The following COL13A1 variants were observed in gnomAD, a reference collection of about 807,000 sequenced individuals.
COL13A1 encodes the protein collagen type XIII alpha 1 chain.
Under a neutral mutation model 130.9 loss-of-function variants are expected in COL13A1, and 89 were observed. The observed-to-expected ratio is 0.68, with a 90% CI of 0.57 to 0.81. COL13A1 has a LOEUF of 0.81. COL13A1 is among the 30% of genes least tolerant of loss of function. The probability of loss-of-function intolerance (pLI) is 0.00; values close to 1 mark genes in which losing one functional copy is unlikely to be tolerated. For synonymous variants in COL13A1, 402 were observed against 341.6 expected, an observed-to-expected ratio of 1.18 and a Z score of -1.95; for missense variants, 879 against 934.6, an observed-to-expected ratio of 0.94 and a Z score of 0.78.
At chr10:69,822,535 C>A in intron 2 of COL13A1, 97 bp downstream of exon 2, 4 of 887,726 alleles carry the variant, frequency 4.5e-6, no homozygotes, top group Non-Finnish European at 6.4e-6. Flanking sequence ...TCACTCAGGC[C>A]GTCACTTTTC....
In COL13A1 at chr10:69,952,886, A is replaced by G; in HGVS notation, c.2063A>G (p.Glu688Gly). The G allele has an allele frequency of 6.5e-7, 1 of 1,547,488 alleles. No homozygotes were observed. Among genetic ancestry groups the G allele is most frequent in the Non-Finnish European group, 8.7e-7 (1 of 1,155,890 alleles). ...GGACTAAACCATTATTTACAGGGGG[A>G]GAGGGGGAAGAAAGGCTCTAGAGGG... ...GPPGDKGNRGERGKKGSRGPK... is the reference protein window; with the variant it reads ...GPPGDKGNRGGRGKKGSRGPK... Residue 688 changes from glutamate to glycine, a missense_variant, in exon 39 of 41, where the codon GAG (glutamate) becomes GGG (glycine). By Grantham distance (98) the Glu-to-Gly change is moderately conservative (BLOSUM62 -2). Around this residue, in one of 3 missense-constraint regions of COL13A1, gnomAD observed 68 missense variants for 65.8 expected, o/e 1.03. Transcript: ENST00000645393.
In COL13A1 at chr10:69,816,325, G is replaced by A. The variant is rs78952007; in HGVS notation, c.295-6044G>A. On this transcript the variant is annotated intron_variant, in intron 1 of 40. Coordinates refer to ENST00000645393, the MANE Select transcript of COL13A1 (RefSeq NM_001368882.1). ...ATTGTGAGGTTTTGAGCAACTGGTGGGATGGGGAAGCTGATGGTAGGGGCA... is the reference window on the plus strand; with the variant it reads ...ATTGTGAGGTTTTGAGCAACTGGTGAGATGGGGAAGCTGATGGTAGGGGCA... Among the ~76,000 whole-genome samples the A allele has an allele frequency of 2.4e-3, 363 of 150,972 alleles. 8 individuals are homozygous for A. In the East Asian group the frequency reaches 0.051, roughly 21 times the overall value.
At chr10:69,943,829 G>A (rs759333867) in intron 35 of COL13A1, among the ~76,000 whole-genome samples, 36 of 152,246 alleles carry the variant, frequency 2.4e-4, no homozygotes, top group Non-Finnish European at 4.4e-4. Flanking sequence ...GTGCTTCTGG[G>A]AGCAAAACTA....
intron 2 of COL13A1, among the ~76,000 whole-genome samples, chr10:69,834,942 G>A (rs1451477220): frequency 6.6e-6 from 1 of 152,196 alleles, no homozygotes; most frequent in Non-Finnish European, 1.5e-5. Flanking sequence ...TCAGGGAAGT[G>A]GCCTTACCTG....
intron 35 of COL13A1, 102 bp downstream of exon 35, chr10:69,941,125 A>T: frequency 3.2e-6 from 5 of 1,577,512 alleles, no homozygotes; most frequent in Non-Finnish European, 3.5e-6. Context: ...CCAGTGAATC[A>T]TGCCTGGTCC....
intron 1 of COL13A1, among the ~76,000 whole-genome samples, chr10:69,803,709 G>A (rs897755394): frequency 6.6e-6 from 1 of 152,122 alleles, no homozygotes; most frequent in Non-Finnish European, 1.5e-5. Flanking sequence ...GAGGGAGTGT[G>A]CAGCAGTAAA....
intron 35 of COL13A1, among the ~76,000 whole-genome samples, chr10:69,942,804 A>C (rs1318116857): frequency 1.3e-5 from 2 of 152,208 alleles, no homozygotes; most frequent in Non-Finnish European, 2.9e-5. Context: ...AGGCAAGGCC[A>C]GCCACATGAC....
intron 2 of COL13A1, among the ~76,000 whole-genome samples, chr10:69,843,415 C>A (rs2763344): frequency 0.15 from 23,187 of 152,122 alleles, 1,878 homozygotes; most frequent in Middle Eastern, 0.19. Flanking sequence ...TTTTCATCTA[C>A]ACTGCGGTGT....
chr10:69,895,870 C>T (rs985248863), intron 13 of COL13A1, among the ~76,000 whole-genome samples: 2 of 152,156 alleles, frequency 1.3e-5, no homozygotes, highest in Non-Finnish European at 2.9e-5. Context: ...TTGGAGTCTC[C>T]TGCTGTGTGT....
chr10:69,894,549 C>G lies in COL13A1; in HGVS notation c.604-3C>G, dbSNP rs2061464030. 1 of 1,613,850 alleles carries G rather than the reference C, an allele frequency of 6.2e-7. No individual in the cohort carries two copies. Among genetic ancestry groups the G allele is most frequent in the East Asian group, 2.2e-5 (1 of 44,888 alleles). ...CTGACCTGTGTGTGTTTGCTTCCCACAGGGTCTGACGGGTCCCCCAGGACA... is the reference window on the plus strand; with the variant it reads ...CTGACCTGTGTGTGTTTGCTTCCCAGAGGGTCTGACGGGTCCCCCAGGACA... On this transcript the variant is annotated splice_polypyrimidine_tract_variant and splice_region_variant and intron_variant, in intron 10 of 40. Transcript: ENST00000645393.
chr10:69,846,420 A>C (rs1853111150), intron 2 of COL13A1, among the ~76,000 whole-genome samples: 1 of 152,004 alleles, frequency 6.6e-6, no homozygotes, highest in African/African-American at 2.4e-5. Flanking sequence ...GCTGACGGGG[A>C]GGCCAGCACT....
intron 38 of COL13A1, among the ~76,000 whole-genome samples, chr10:69,952,526 C>T (rs1387957729): frequency 6.6e-6 from 1 of 152,220 alleles, no homozygotes; most frequent in Non-Finnish European, 1.5e-5. Context: ...CAAAAACAGA[C>T]TCAAAGAGAA....
intron 3 of COL13A1, among the ~76,000 whole-genome samples, chr10:69,868,243 GGGGACTCACATCCACACCCCTGAGT>G (rs1415434130): frequency 6.6e-6 from 1 of 152,218 alleles, no homozygotes; most frequent in Non-Finnish European, 1.5e-5. Context: ...GTCTGCTCCA[GGGGACTCACATCCACACCCCTGAGT>G]GGGGCAGCTC....
chr10:69,905,424 C>T (rs1198637386), intron 16 of COL13A1, among the ~76,000 whole-genome samples: 1 of 152,156 alleles, frequency 6.6e-6, no homozygotes. Flanking sequence ...CAAGAAGATG[C>T]CCAGTGCTGA....
chr10:69,896,195 G>A (rs1444102166), intron 13 of COL13A1, among the ~76,000 whole-genome samples: 1 of 152,152 alleles, frequency 6.6e-6, no homozygotes, highest in Admixed American at 6.5e-5. Context: ...ATTTCAGGCT[G>A]AGATGGTTCC....
intron 14 of COL13A1, among the ~76,000 whole-genome samples, chr10:69,900,303 T>C (rs558531888): frequency 6.6e-6 from 1 of 152,332 alleles, no homozygotes; most frequent in South Asian, 2.1e-4. Flanking sequence ...GTTGTGAGAA[T>C]TCTATGCAAA....
chr10:69,832,383 C>A (rs1277833788), intron 2 of COL13A1, among the ~76,000 whole-genome samples: 3 of 152,206 alleles, frequency 2.0e-5, no homozygotes, highest in Non-Finnish European at 4.4e-5. Flanking sequence ...AAGCCACCTA[C>A]CCTCTCTGAA....
At chr10:69,916,726 G>A (rs775735348) in intron 17 of COL13A1, among the ~76,000 whole-genome samples, 8 of 152,206 alleles carry the variant, frequency 5.3e-5, no homozygotes, top group African/African-American at 1.7e-4. Context: ...GAAATGGGGT[G>A]CAGATAAATG....
intron 2 of COL13A1, among the ~76,000 whole-genome samples, chr10:69,824,412 C>T (rs1336432310): frequency 6.6e-6 from 1 of 152,150 alleles, no homozygotes; most frequent in African/African-American, 2.4e-5. Context: ...CCTTCAAGTC[C>T]ATCATCAGAG....
Sources: allele counts gnomAD v4.1 joint callset (sites outside exome capture counted in the v4.1 genomes callset), GRCh38; gene constraint gnomAD v4.1.1; regional missense constraint gnomAD v4.1.1; transcripts MANE v1.5; gene names NCBI Gene and HGNC (gene_info 2026-07-23, HGNC 2026-07-21).